CEP104: variants seen among roughly 807,000 people sequenced by gnomAD.
CEP104 encodes centrosomal protein 104, also known as centrosomal protein of 104 kDa.
CEP104 carries 84 observed loss-of-function variants against 113.3 expected under a neutral mutation model. That is an observed-to-expected ratio of 0.74 (90% CI 0.62 to 0.89). The LOEUF is 0.89. Ranked by LOEUF, CEP104 falls within the 40% of genes least tolerant of loss-of-function variation. The pLI is 0.00. For synonymous variants in CEP104, 378 were observed against 421.7 expected (o/e 0.90, Z 1.27); for missense variants, 1,053 against 1,156.6 (o/e 0.91, Z 1.30).
chr1:3,816,402 C>G, intron 20 of CEP104, 32 bp from the exon 21 acceptor site: 1 of 1,523,542 alleles, frequency 6.6e-7, no homozygotes, highest in East Asian at 2.5e-5. Context: ...GAGTGTTAAT[C>G]AGGCGAGACG....
intron 2 of CEP104, 94 bp downstream of exon 2, chr1:3,852,201 A>C: frequency 8.1e-7 from 1 of 1,234,120 alleles, no homozygotes; most frequent in Non-Finnish European, 1.1e-6. Flanking sequence ...GAGTGATAGT[A>C]AAATCTGAGG....
At chr1:3,839,238 A>G in intron 7 of CEP104, 119 bp from the exon 8 acceptor site, 1 of 879,966 alleles carries the variant, frequency 1.1e-6, no homozygotes, top group Non-Finnish European at 1.8e-6. Flanking sequence ...GAGCACAGGG[A>G]AATGGAAGGA....
intron 9 of CEP104, 125 bp downstream of exon 9, chr1:3,837,167 A>G: frequency 1.4e-6 from 1 of 731,174 alleles, no homozygotes; most frequent in Admixed American, 2.3e-5. Context: ...CCTAGAATGG[A>G]ACAGAGGTGG....
chr1:3,827,502 G>A (rs1644114689), intron 15 of CEP104, among the ~76,000 whole-genome samples: 1 of 152,184 alleles, frequency 6.6e-6, no homozygotes, highest in African/African-American at 2.4e-5. Context: ...TTACAGGCAT[G>A]AGTCACTGCG....
Position 3,838,963 on chromosome 1 carries a change from C to T in CEP104, c.891+1G>A. ...CACTCCGTCTGGGCTCCTGCACCCA[C>T]CAGCTCGGCATCCAGGAGGCTGTGC... On this transcript the variant is annotated splice_donor_variant, in intron 8 of 21. Transcript: ENST00000378230. LOFTEE classifies it high-confidence loss of function. 5.6e-6 allele frequency: 9 copies of T among 1,614,096 alleles called. No individual in the cohort carries two copies. The highest frequency in any genetic ancestry group is 7.6e-6 in the Non-Finnish European group (9 of 1,180,012).
At chr1:3,820,626 A>G (rs1643955054) in intron 20 of CEP104, among the ~76,000 whole-genome samples, 1 of 152,094 alleles carries the variant, frequency 6.6e-6, no homozygotes, top group Admixed American at 6.5e-5. Context: ...TTAATTCTTT[A>G]AAGTCCCCTA....
At chr1:3,815,739 A>G (rs1410840932) in intron 21 of CEP104, among the ~76,000 whole-genome samples, 2 of 150,820 alleles carry the variant, frequency 1.3e-5, no homozygotes, top group Admixed American at 6.6e-5. Flanking sequence ...CCCAGGCTGG[A>G]GGGCAGTGGC....
In CEP104 at chr1:3,831,336, T is replaced by C. The variant is rs570720425; in HGVS notation, c.1660-114A>G. 16 of 870,426 alleles carry C rather than the reference T, an allele frequency of 1.8e-5. No individual in the cohort carries two copies. The Admixed American group carries it at 2.3e-4, about 12-fold the overall frequency. The allele number at this position is 870,426 out of a possible 1,614,324, so 53.9% of individuals were successfully genotyped here. A position where few individuals can be genotyped will look rare whatever the true frequency, so the allele number is the denominator to read the frequency against. ...GAAGGGAAAAACAGGGAAATACAGA[T>C]TGATAGTGACAAGGAGCAATGAGAG... On this transcript the variant is annotated intron_variant, in intron 12 of 21. Coordinates refer to ENST00000378230, the MANE Select transcript of CEP104 (RefSeq NM_014704.4).
chr1:3,836,435 T>A (rs1020483874), intron 10 of CEP104, 60 bp downstream of exon 10: 2 of 1,545,772 alleles, frequency 1.3e-6, no homozygotes, highest in Admixed American at 3.8e-5. Flanking sequence ...GAGGTGTGCG[T>A]ACCATATAGA....
In CEP104 at chr1:3,823,405, C is replaced by G; in HGVS notation, c.2503+19G>C. 1 of 1,614,150 alleles carries G rather than the reference C, an allele frequency of 6.2e-7. No homozygotes were observed. The highest frequency in any genetic ancestry group is 2.2e-5 in the East Asian group (1 of 44,886). Reference sequence around the variant, plus strand: ...CCCTGGTGACCCGAGGGCACGGGAGCCTGGGAAGGGGCACTCACGGTTGCA... The same window carrying G: ...CCCTGGTGACCCGAGGGCACGGGAGGCTGGGAAGGGGCACTCACGGTTGCA... On this transcript the variant is annotated intron_variant, in intron 19 of 21. Coordinates refer to ENST00000378230, the MANE Select transcript of CEP104 (RefSeq NM_014704.4). This position sits in a 1 kb window ranked among gnomAD's most constrained non-coding sequence, Gnocchi z 4.1.
rs560166739 is a variant in CEP104, at chr1:3,844,985, T to G, written c.490-2A>C. On this transcript the variant is annotated splice_acceptor_variant, in intron 5 of 21. Coordinates refer to ENST00000378230, the MANE Select transcript of CEP104 (RefSeq NM_014704.4). LOFTEE classifies it high-confidence loss of function. The stretch of plus-strand genomic sequence containing the variant: ...GTCAATCAACTTCTCTCGAGAGGCC[T>G]TTGGGGGCAAAACATCTGCTTAGTG... 1 of 1,613,596 alleles carries G rather than the reference T, an allele frequency of 6.2e-7. No individual in the cohort carries two copies. Among genetic ancestry groups the G allele is most frequent in the Non-Finnish European group, 8.5e-7 (1 of 1,179,514 alleles).
At chr1:3,844,867 A>G in intron 6 of CEP104, 40 bp downstream of exon 6, 3 of 1,531,712 alleles carry the variant, frequency 2.0e-6, no homozygotes, top group Non-Finnish European at 2.7e-6. Context: ...GATTCTGAGG[A>G]AAGTAAAAGA....
At chr1:3,817,013 C>T (rs1643890567) in intron 20 of CEP104, among the ~76,000 whole-genome samples, 1 of 152,232 alleles carries the variant, frequency 6.6e-6, no homozygotes, top group Non-Finnish European at 1.5e-5. Flanking sequence ...CGAGTTGTTC[C>T]TGGTTCCTTC....
chr1:3,821,790 G>T (rs998598001), intron 20 of CEP104, among the ~76,000 whole-genome samples: 1 of 152,230 alleles, frequency 6.6e-6, no homozygotes, highest in Non-Finnish European at 1.5e-5. Context: ...AGATCCAGAC[G>T]ATGAGAAGCC....
intron 16 of CEP104, 51 bp downstream of exon 16, chr1:3,826,657 C>T (rs576814604): frequency 1.2e-6 from 2 of 1,601,588 alleles, no homozygotes; most frequent in Admixed American, 1.7e-5. Context: ...ATTTACACAC[C>T]CCGATTCTTT....
intron 4 of CEP104, 65 bp downstream of exon 4, chr1:3,847,410 C>T (rs548696318): frequency 8.0e-5 from 114 of 1,422,818 alleles, no homozygotes; most frequent in African/African-American, 1.0e-4. Context: ...AGAAAAGATA[C>T]GTGACCACAT....
rs1009411743 is a variant in CEP104 at position 3,819,392 on chromosome 1, G to A, written c.2572-3022C>T. 6.6e-5 allele frequency among the ~76,000 whole-genome samples: 10 copies of A among 152,136 alleles called. No individual in the cohort carries two copies. The highest frequency in any genetic ancestry group is 1.3e-4 in the Non-Finnish European group (9 of 68,036). ...GGAAAAGTTCCACACGTGTGCAGAT[G>A]GTTGCAGAACCCTGAATACATGAAA... is the stretch of plus-strand genomic sequence containing the variant. On this transcript the variant is annotated intron_variant, in intron 20 of 21. Transcript: ENST00000378230. This position sits in a 1 kb window ranked among gnomAD's most constrained non-coding sequence, Gnocchi z 4.6.
rs763255100 is a variant in CEP104, at chr1:3,837,443, G to C, written c.968C>G (p.Ser323Ter). The change falls in exon 9 of 22, where the codon TCA becomes TGA. Residue 323 changes from serine (S) to a stop codon, truncating the protein, a stop_gained. Coordinates refer to ENST00000378230, the MANE Select transcript of CEP104 (RefSeq NM_014704.4). LOFTEE classifies it high-confidence loss of function. ...GSPCHQKPMP[S>*]LPQLEERGTE... The stretch of plus-strand genomic sequence containing the variant: ...TCCTCTTTCTTCCAGTTGTGGTAGT[G>C]AGGGCATTGGCTTTTGGTGGCAAGG... 18 of 1,614,246 alleles carry C rather than the reference G, an allele frequency of 1.1e-5. No individual in the cohort carries two copies. Among genetic ancestry groups the C allele is most frequent in the Non-Finnish European group, 1.2e-5 (14 of 1,180,036 alleles).
intron 18 of CEP104, among the ~76,000 whole-genome samples, chr1:3,824,541 G>A (rs1252564912): frequency 6.6e-6 from 1 of 152,226 alleles, no homozygotes; most frequent in Non-Finnish European, 1.5e-5. Flanking sequence ...TTCAGACAGC[G>A]AAGACTGCAT....
Sources: allele counts gnomAD v4.1 joint callset (sites outside exome capture counted in the v4.1 genomes callset), GRCh38; gene constraint gnomAD v4.1.1; non-coding constraint Gnocchi (gnomAD v3.1); transcripts MANE v1.5; gene names NCBI Gene and HGNC (gene_info 2026-07-23, HGNC 2026-07-21).